RRAS2: variants seen among roughly 807,000 people sequenced by gnomAD.
The protein encoded by RRAS2 is ras-related protein R-Ras2.
In RRAS2, 7 loss-of-function variants were observed where a neutral mutation model predicts 27.6. The ratio of observed to expected loss-of-function variants is 0.25; its 90% confidence interval spans 0.14 to 0.48. The LOEUF (loss-of-function observed/expected upper bound fraction) is 0.48, where lower values mean the gene tolerates loss of function less well. Ranked by LOEUF, RRAS2 falls within the 20% of genes least tolerant of loss-of-function variation. The pLI, the probability that RRAS2 is intolerant of heterozygous loss-of-function variation, is 0.99. For synonymous variants in RRAS2, 86 were observed against 90.9 expected (o/e 0.95, Z 0.31); for missense variants, 178 against 256.2 (o/e 0.69, Z 2.08).
intron 1 of RRAS2, among the ~76,000 whole-genome samples, chr11:14,311,011 C>A (rs1476932548): frequency 6.6e-6 from 1 of 152,160 alleles, no homozygotes; most frequent in Admixed American, 6.5e-5. Flanking sequence ...TTTCAAAACT[C>A]TGTGGCAAAG....
At chr11:14,289,344 C>T (rs1849749732) in intron 4 of RRAS2, among the ~76,000 whole-genome samples, 1 of 152,148 alleles carries the variant, frequency 6.6e-6, no homozygotes, top group South Asian at 2.1e-4. Context: ...GACAAAAAAG[C>T]AAAGACAGTT....
chr11:14,358,227 G>GTC lies in RRAS2; in HGVS notation c.108+535_108+536insGA, dbSNP rs1353820443. On this transcript the variant is annotated intron_variant, in intron 1 of 5. Transcript: ENST00000256196. The surrounding 1 kb of genome is among the most constrained non-coding windows in gnomAD (Gnocchi z 5.1). ...CTAAGAGAGTACTTATAAAAAGAGC[G>GTC]TAACACACACACAAAGAAATACACA... 1 of 985,258 alleles carries GTC rather than the reference G, an allele frequency of 1.0e-6. No individual in the cohort carries two copies. Among genetic ancestry groups the GTC allele is most frequent in the African/African-American group, 1.7e-5 (1 of 57,236 alleles). The allele number at this position is 985,258 out of a possible 1,614,324, so 61.0% of individuals were successfully genotyped here.
intron 1 of RRAS2, among the ~76,000 whole-genome samples, chr11:14,324,808 C>A (rs1249194270): frequency 2.6e-5 from 4 of 151,924 alleles, no homozygotes; most frequent in African/African-American, 9.7e-5. Context: ...GCAAAAAAGA[C>A]AAATGGAACA....
chr11:14,295,603 A>G (rs192231157), intron 2 of RRAS2, among the ~76,000 whole-genome samples, 165 bp downstream of exon 2: 1 of 152,346 alleles, frequency 6.6e-6, no homozygotes, highest in Non-Finnish European at 1.5e-5. Context: ...GGAATATTTA[A>G]ATTACCCATT....
At chr11:14,287,138 C>T (rs980054186) in intron 4 of RRAS2, among the ~76,000 whole-genome samples, 18 of 152,200 alleles carry the variant, frequency 1.2e-4, no homozygotes, top group African/African-American at 4.1e-4. Context: ...GCTCCCATCA[C>T]ACCATCTGGT....
chr11:14,296,617 A>T (rs188338615), intron 1 of RRAS2, among the ~76,000 whole-genome samples: 19 of 152,332 alleles, frequency 1.2e-4, no homozygotes, highest in Admixed American at 9.8e-4. Flanking sequence ...GGAACATTTC[A>T]TCTTATACCT....
intron 1 of RRAS2, among the ~76,000 whole-genome samples, chr11:14,333,562 T>G (rs1483613829): frequency 2.0e-5 from 3 of 152,224 alleles, no homozygotes; most frequent in African/African-American, 7.2e-5. Context: ...TGTTTTCCTA[T>G]GCATATATAA....
intron 1 of RRAS2, among the ~76,000 whole-genome samples, chr11:14,333,787 G>A (rs1434677073): frequency 6.6e-6 from 1 of 151,974 alleles, no homozygotes; most frequent in East Asian, 1.9e-4. Context: ...GCAACCACGG[G>A]CACGTGCCAG....
At chr11:14,284,288 G>A (rs1437101546) in intron 4 of RRAS2, among the ~76,000 whole-genome samples, 1 of 152,042 alleles carries the variant, frequency 6.6e-6, no homozygotes, top group East Asian at 1.9e-4. Flanking sequence ...CTTGACCCAA[G>A]GGTTAGTTGG....
At chr11:14,340,505 T>C (rs1848682125) in intron 1 of RRAS2, among the ~76,000 whole-genome samples, 1 of 152,074 alleles carries the variant, frequency 6.6e-6, no homozygotes, top group Non-Finnish European at 1.5e-5. Context: ...TCCAATTTAT[T>C]AAAAAGTCTT....
At chr11:14,285,193 C>T (rs915549470) in intron 4 of RRAS2, among the ~76,000 whole-genome samples, 5 of 152,096 alleles carry the variant, frequency 3.3e-5, no homozygotes. Context: ...TTATGGTATA[C>T]ATTTTTAATT....
chr11:14,305,771 G>A (rs185687970), intron 1 of RRAS2, among the ~76,000 whole-genome samples: 202 of 152,204 alleles, frequency 1.3e-3, no homozygotes, highest in African/African-American at 4.3e-3. Flanking sequence ...TTGGCCGTGC[G>A]CGATGGCTCA....
chr11:14,328,814 G>A (rs1295658882), intron 1 of RRAS2, among the ~76,000 whole-genome samples: 2 of 151,806 alleles, frequency 1.3e-5, no homozygotes, highest in Admixed American at 6.6e-5. Flanking sequence ...AGAGGCATGC[G>A]CCACTATGCC....
chr11:14,339,131 AG>A (rs1848645766), intron 1 of RRAS2, among the ~76,000 whole-genome samples: 1 of 152,080 alleles, frequency 6.6e-6, no homozygotes, highest in African/African-American at 2.4e-5. Flanking sequence ...AACCTTTACA[AG>A]GAAAATAACT....
In RRAS2 at chr11:14,359,088, G is replaced by C. The variant is rs1169002903; in HGVS notation, c.-218C>G. The C allele has an allele frequency of 6.5e-6, 7 of 1,082,570 alleles. No individual in the cohort carries two copies. Among genetic ancestry groups the C allele is most frequent in the Non-Finnish European group, 7.8e-6 (7 of 893,240 alleles). The allele number at this position is 1,082,570 out of a possible 1,614,324, so 67.1% of individuals were successfully genotyped here. On this transcript the variant is annotated 5_prime_UTR_variant, in exon 1 of 6. Transcript: ENST00000256196. Reference sequence around the variant, plus strand: ...GCGCGGAGAAGCGGGGTGACGGCACGGGCCAGGGGCGGCAGCGGCCGGGGG... The same window carrying C: ...GCGCGGAGAAGCGGGGTGACGGCACCGGCCAGGGGCGGCAGCGGCCGGGGG...
chr11:14,360,830 A>C (rs1849181839), upstream of RRAS2, among the ~76,000 whole-genome samples: 1 of 151,630 alleles, frequency 6.6e-6, no homozygotes, highest in Admixed American at 6.6e-5. Context: ...CTGAGGTGGG[A>C]GGATCACTTG....
chr11:14,328,446 A>G (rs555852792), intron 1 of RRAS2, among the ~76,000 whole-genome samples: 8 of 152,178 alleles, frequency 5.3e-5, no homozygotes, highest in South Asian at 2.1e-4. Flanking sequence ...TGTAAAAACA[A>G]TATCAAACAT....
intron 5 of RRAS2, among the ~76,000 whole-genome samples, chr11:14,280,727 A>C (rs1030710675): frequency 1.5e-4 from 1 of 6,500 alleles, no homozygotes; most frequent in Non-Finnish European, 6.3e-4. Context: ...CTCTGTTTCC[A>C]AAAAAAAAAA....
At chr11:14,343,079 A>T (rs1449626549) in intron 1 of RRAS2, among the ~76,000 whole-genome samples, 2 of 152,230 alleles carry the variant, frequency 1.3e-5, no homozygotes, top group African/African-American at 4.8e-5. Context: ...CTGTTTGAGC[A>T]ACAGCTGTGC....
Sources: allele counts gnomAD v4.1 joint callset (sites outside exome capture counted in the v4.1 genomes callset), GRCh38; gene constraint gnomAD v4.1.1; non-coding constraint Gnocchi (gnomAD v3.1); transcripts MANE v1.5; gene names NCBI Gene and HGNC (gene_info 2026-07-23, HGNC 2026-07-21).